Variants in UNC5C observed in about 807,000 individuals in gnomAD.
UNC5C encodes netrin receptor UNC5C.
Under a neutral mutation model 99.8 loss-of-function variants are expected in UNC5C, and 47 were observed. That is an observed-to-expected ratio of 0.47 (90% CI 0.37 to 0.60). The LOEUF is 0.60. Among genes scored for constraint, UNC5C ranks in the 20% least tolerant of loss-of-function variants. UNC5C has a pLI of 0.00. For missense variants in UNC5C, 1,062 were observed against 1,165.9 expected, an observed-to-expected ratio of 0.91 and a Z score of 1.30; for synonymous variants, 487 against 452.2, an observed-to-expected ratio of 1.08 and a Z score of -0.98.
chr4:95,202,930 G>T lies in UNC5C; in HGVS notation c.1937C>A (p.Thr646Asn), dbSNP rs149451558. ...VVVVGEENFT[T>N]PCYIQLDAEA... ...TGCATCCAGCTGAATGTAGCAGGGGGTGGTGAAGTTTTCCTCCCCGACCAC... is the reference window on the plus strand; with the variant it reads ...TGCATCCAGCTGAATGTAGCAGGGGTTGGTGAAGTTTTCCTCCCCGACCAC... The change falls in exon 12 of 16, where the codon ACC (threonine) becomes AAC (asparagine). Residue 646 changes from threonine (T) to asparagine (N), a missense_variant. Around this residue, in one of 3 missense-constraint regions of UNC5C, gnomAD observed 810 missense variants for 854.5 expected, o/e 0.95. Transcript: ENST00000453304. 3 of 1,614,060 alleles carry T rather than the reference G, an allele frequency of 1.9e-6. No individual in the cohort carries two copies. The African/African-American group carries it at 4.0e-5, about 22-fold the overall frequency.
chr4:95,378,195 G>A (rs976387151), intron 1 of UNC5C, among the ~76,000 whole-genome samples: 1 of 152,164 alleles, frequency 6.6e-6, no homozygotes, highest in African/African-American at 2.4e-5. Flanking sequence ...GAGAATTATA[G>A]TTTTAACAAT....
At chr4:95,431,959 A>G (rs556036459) in intron 1 of UNC5C, among the ~76,000 whole-genome samples, 1 of 152,138 alleles carries the variant, frequency 6.6e-6, no homozygotes, top group African/African-American at 2.4e-5. Context: ...CCCCGTATCA[A>G]GTAATAATGA....
intron 4 of UNC5C, among the ~76,000 whole-genome samples, chr4:95,261,088 C>T (rs1221017457): frequency 6.6e-6 from 1 of 152,094 alleles, no homozygotes; most frequent in Non-Finnish European, 1.5e-5. Context: ...CCAGGAGGAG[C>T]CAACTACAGT....
intron 14 of UNC5C, among the ~76,000 whole-genome samples, chr4:95,171,228 TTTTA>T (rs549882806): frequency 5.9e-5 from 9 of 152,032 alleles, no homozygotes; most frequent in Non-Finnish European, 7.4e-5. Context: ...TTTTTTTCTT[TTTTA>T]TTTATTTATT....
chr4:95,254,688 G>A (rs1238381182), intron 4 of UNC5C, among the ~76,000 whole-genome samples: 3 of 152,138 alleles, frequency 2.0e-5, no homozygotes. Flanking sequence ...TAAAGTTTGA[G>A]AAGCATGATT....
intron 14 of UNC5C, among the ~76,000 whole-genome samples, chr4:95,181,539 C>T (rs945534251): frequency 1.3e-5 from 2 of 152,132 alleles, no homozygotes; most frequent in African/African-American, 4.8e-5. Flanking sequence ...TTGAACTTTG[C>T]AGACCTGCTG....
At chr4:95,270,128 T>C (rs953968443) in intron 4 of UNC5C, among the ~76,000 whole-genome samples, 2 of 152,170 alleles carry the variant, frequency 1.3e-5, no homozygotes, top group African/African-American at 4.8e-5. Flanking sequence ...ATTTTCTTAT[T>C]TCTCCCACTG....
At position 95,164,412 on chromosome 4, in the gene UNC5C, T is replaced by C. The variant is rs1243008043; in HGVS notation, c.*4822A>G. ...TACAGCCAGAGATTATACAAATAGA[T>C]ATCTTAGGGTAGAGAAACATTACTT... is the stretch of plus-strand genomic sequence containing the variant. On this transcript the variant is annotated 3_prime_UTR_variant, in exon 16 of 16. Transcript: ENST00000453304. 1 of 152,154 alleles carries C rather than the reference T, an allele frequency of 6.6e-6. No homozygotes were observed. The highest frequency in any genetic ancestry group is 2.4e-5 in the African/African-American group (1 of 41,420). 9.4% of individuals were successfully genotyped at this position (152,154 alleles called of 1,614,324 possible).
At chr4:95,309,434 G>A (rs763193923) in intron 2 of UNC5C, among the ~76,000 whole-genome samples, 9 of 151,692 alleles carry the variant, frequency 5.9e-5, no homozygotes, top group Non-Finnish European at 2.9e-5. Flanking sequence ...AGACAAATAG[G>A]AATACATCAA....
intron 1 of UNC5C, among the ~76,000 whole-genome samples, chr4:95,339,367 A>T (rs1260968332): frequency 1.3e-5 from 2 of 152,014 alleles, no homozygotes; most frequent in Non-Finnish European, 2.9e-5. Context: ...TGCTGAACCC[A>T]TGGGGATAAG....
At chr4:95,335,696 G>A in intron 1 of UNC5C, 65 bp from the exon 2 acceptor site, 1 of 1,322,400 alleles carries the variant, frequency 7.6e-7, no homozygotes, top group Non-Finnish European at 1.0e-6. Context: ...CTACTTGCTA[G>A]TCATGTAAAA....
At chr4:95,225,855 A>T (rs1738666788) in intron 7 of UNC5C, among the ~76,000 whole-genome samples, 1 of 152,214 alleles carries the variant, frequency 6.6e-6, no homozygotes, top group South Asian at 2.1e-4. Flanking sequence ...AACTTTTTCC[A>T]TCATTTTCAA....
chr4:95,237,932 C>T (rs1245473538), intron 7 of UNC5C, among the ~76,000 whole-genome samples: 1 of 152,120 alleles, frequency 6.6e-6, no homozygotes, highest in African/African-American at 2.4e-5. Context: ...ATCCCAGCTA[C>T]TCAGGAGGCT....
intron 5 of UNC5C, among the ~76,000 whole-genome samples, chr4:95,250,014 T>A (rs1321842780): frequency 2.0e-5 from 3 of 152,118 alleles, no homozygotes; most frequent in Admixed American, 2.0e-4. Context: ...TCTTTAGAAC[T>A]CAATCTAGAT....
intron 2 of UNC5C, among the ~76,000 whole-genome samples, chr4:95,303,861 A>G (rs974088036): frequency 2.0e-5 from 3 of 152,216 alleles, no homozygotes; most frequent in Non-Finnish European, 2.9e-5. Context: ...TTATAGTTTA[A>G]TAAGTTCATA....
intron 1 of UNC5C, among the ~76,000 whole-genome samples, chr4:95,510,239 A>G (rs1490097333): frequency 6.6e-6 from 1 of 152,036 alleles, no homozygotes; most frequent in African/African-American, 2.4e-5. Context: ...AAATTATTTT[A>G]CCATCCATTT....
chr4:95,467,708 A>G (rs1747829312), intron 1 of UNC5C, among the ~76,000 whole-genome samples: 1 of 152,088 alleles, frequency 6.6e-6, no homozygotes, highest in African/African-American at 2.4e-5. Context: ...GGGGGCACCA[A>G]CCCTTCACAT....
At position 95,202,874 on chromosome 4, in the gene UNC5C, T is replaced by C. The variant is rs746202995; in HGVS notation, c.1993A>G (p.Ser665Gly). The change falls in exon 12 of 16, where the codon AGC becomes GGC. Residue 665 changes from serine (S) to glycine (G), a missense_variant. Physicochemically the swap from Ser to Gly is moderately conservative, Grantham distance 56. Around this residue, in one of 3 missense-constraint regions of UNC5C, gnomAD observed 810 missense variants for 854.5 expected, o/e 0.95. Transcript: ENST00000453304. Reference sequence around the variant, plus strand: ...GAATGTCCTACCAGGGCGTAGGTGCTGAGGTTCTCTGTGAGGATGTGGCAG... The same window carrying C: ...GAATGTCCTACCAGGGCGTAGGTGCCGAGGTTCTCTGTGAGGATGTGGCAG... Reference protein sequence around the residue: ...EACHILTENLSTYALVGHSTT... With the variant: ...EACHILTENLGTYALVGHSTT... The C allele has an allele frequency of 6.2e-7, 1 of 1,614,218 alleles. No individual in the cohort carries two copies. The highest frequency in any genetic ancestry group is 8.5e-7 in the Non-Finnish European group (1 of 1,180,048).
intron 3 of UNC5C, among the ~76,000 whole-genome samples, chr4:95,292,557 C>A (rs915509360): frequency 6.6e-6 from 1 of 151,894 alleles, no homozygotes; most frequent in Non-Finnish European, 1.5e-5. Context: ...CCTATGTGGA[C>A]CTTACTTTCT....
Sources: allele counts gnomAD v4.1 joint callset (sites outside exome capture counted in the v4.1 genomes callset), GRCh38; gene constraint gnomAD v4.1.1; regional missense constraint gnomAD v4.1.1; transcripts MANE v1.5; gene names NCBI Gene and HGNC (gene_info 2026-07-23, HGNC 2026-07-21).